The following CDH12 variants were observed in gnomAD, a reference collection of about 807,000 sequenced individuals.
The protein encoded by CDH12 is cadherin-12.
A neutral mutation model predicts 74.1 loss-of-function variants in CDH12; 41 were observed. The ratio of observed to expected loss-of-function variants is 0.55; its 90% CI spans 0.43 to 0.72. CDH12 has a LOEUF of 0.72. CDH12 is among the 30% of genes least tolerant of loss of function. The probability of loss-of-function intolerance (pLI) is 0.00; values close to 1 mark genes in which losing one functional copy is unlikely to be tolerated. For missense variants in CDH12, 945 were observed against 977.2 expected, an observed-to-expected ratio of 0.97 and a Z score of 0.44; for synonymous variants, 399 against 355.0, an observed-to-expected ratio of 1.12 and a Z score of -1.39.
chr5:22,619,775 C>G (rs535685498), intron 1 of CDH12, among the ~76,000 whole-genome samples: 1 of 151,930 alleles, frequency 6.6e-6, no homozygotes, highest in South Asian at 2.1e-4. Context: ...ATGCTTCCCC[C>G]AGCGAATGTG....
At chr5:21,994,525 C>A (rs1183625985) in intron 5 of CDH12, among the ~76,000 whole-genome samples, 1 of 152,144 alleles carries the variant, frequency 6.6e-6, no homozygotes, top group African/African-American at 2.4e-5. Flanking sequence ...ATTGAATACT[C>A]ATTGTATTCA....
chr5:22,479,637 A>G (rs1746306032), intron 2 of CDH12, among the ~76,000 whole-genome samples: 1 of 152,248 alleles, frequency 6.6e-6, no homozygotes, highest in Admixed American at 6.5e-5. Context: ...GTAAACATTT[A>G]AAACAGCATC....
intron 1 of CDH12, among the ~76,000 whole-genome samples, chr5:22,612,561 G>A (rs1275171398): frequency 6.6e-6 from 1 of 151,910 alleles, no homozygotes; most frequent in Non-Finnish European, 1.5e-5. Context: ...TATGTTATTT[G>A]AGATGTAGAT....
At chr5:22,276,719 T>C (rs1206604794) in intron 3 of CDH12, among the ~76,000 whole-genome samples, 5 of 152,200 alleles carry the variant, frequency 3.3e-5, no homozygotes, top group African/African-American at 1.2e-4. Context: ...TGGTGTCTCA[T>C]TCTGTGGCCC....
chr5:22,765,768 G>T (rs1746477124), intron 1 of CDH12, among the ~76,000 whole-genome samples: 1 of 151,614 alleles, frequency 6.6e-6, no homozygotes, highest in Admixed American at 6.6e-5. Context: ...AAATTTAGAA[G>T]CAAATATCAT....
chr5:22,052,290 T>G (rs1740427495), intron 5 of CDH12, among the ~76,000 whole-genome samples: 1 of 152,162 alleles, frequency 6.6e-6, no homozygotes, highest in South Asian at 2.1e-4. Flanking sequence ...GGAGTTTTGT[T>G]GCTGTTTTAT....
intron 2 of CDH12, among the ~76,000 whole-genome samples, chr5:22,448,689 A>C (rs1168482052): frequency 6.6e-6 from 1 of 152,048 alleles, no homozygotes; most frequent in African/African-American, 2.4e-5. Flanking sequence ...TATAAGAAAA[A>C]AGTTTTCAAA....
Position 22,578,597 on chromosome 5 carries a change from C to T in CDH12, c.-522-73233G>A, listed in dbSNP as rs550372908. On this transcript the variant is annotated intron_variant, in intron 1 of 14. Transcript: ENST00000382254. The stretch of plus-strand genomic sequence containing the variant: ...CAGAAATAATAAATGTACTAGTTTC[C>T]ACTGCTTTCCCAGAAAATCAGAATG... 8.1e-4 allele frequency among the ~76,000 whole-genome samples: 124 copies of T among 152,170 alleles called. No homozygotes were observed. The Middle Eastern group carries it at 0.01, about 13-fold the overall frequency.
chr5:22,770,592 G>A (rs1746754189), intron 1 of CDH12, among the ~76,000 whole-genome samples: 2 of 152,004 alleles, frequency 1.3e-5, no homozygotes, highest in African/African-American at 4.8e-5. Flanking sequence ...TGGCTACATG[G>A]TATCATTTAA....
At chr5:22,442,613 T>C (rs1744671618) in intron 2 of CDH12, among the ~76,000 whole-genome samples, 1 of 152,180 alleles carries the variant, frequency 6.6e-6, no homozygotes. Context: ...GATCACCCTG[T>C]TTTTTATTCC....
intron 6 of CDH12, among the ~76,000 whole-genome samples, chr5:21,861,899 A>AGTGTGTGTGTGTGTGTGTGT (rs59953319): frequency 6.8e-6 from 1 of 147,722 alleles, no homozygotes; most frequent in African/African-American, 2.5e-5. Context: ...GGTCATTTCT[A>AGTGTGTGTGTGTGTGTGTGT]GTGTGTGTGT....
chr5:22,110,119 C>T (rs764905544), intron 4 of CDH12, among the ~76,000 whole-genome samples: 11 of 152,148 alleles, frequency 7.2e-5, no homozygotes, highest in South Asian at 6.2e-4. Context: ...ATGCTAGTTT[C>T]TTTTTGGTAT....
chr5:22,360,834 T>A (rs1460510007), intron 3 of CDH12, among the ~76,000 whole-genome samples: 5 of 152,138 alleles, frequency 3.3e-5, no homozygotes, highest in Admixed American at 3.3e-4. Context: ...AAAAACCACA[T>A]GATTATCTCA....
chr5:22,787,139 C>A (rs533963405), intron 1 of CDH12, among the ~76,000 whole-genome samples: 1 of 140,176 alleles, frequency 7.1e-6, no homozygotes, highest in South Asian at 2.2e-4. Context: ...ACACACACAC[C>A]ACACACACAC....
chr5:22,632,761 T>C (rs551709692), intron 1 of CDH12, among the ~76,000 whole-genome samples: 4 of 152,154 alleles, frequency 2.6e-5, no homozygotes, highest in Non-Finnish European at 5.9e-5. Flanking sequence ...TGTGGATACA[T>C]TATGGCTGAA....
intron 7 of CDH12, among the ~76,000 whole-genome samples, chr5:21,850,203 G>C (rs1247792290): frequency 6.6e-6 from 1 of 151,466 alleles, no homozygotes; most frequent in Non-Finnish European, 1.5e-5. Context: ...AAAAATACAA[G>C]ATAAACAAGT....
At chr5:22,555,990 A>G (rs1738787024) in intron 1 of CDH12, among the ~76,000 whole-genome samples, 2 of 151,956 alleles carry the variant, frequency 1.3e-5, no homozygotes, top group Admixed American at 1.3e-4. Context: ...TGTTTGGTAG[A>G]CTTTTATGTA....
intron 2 of CDH12, among the ~76,000 whole-genome samples, chr5:22,448,471 A>G (rs1328309271): frequency 1.3e-5 from 2 of 152,110 alleles, no homozygotes; most frequent in Admixed American, 1.3e-4. Context: ...AAAGTTGAGT[A>G]GAAAACAGAT....
intron 5 of CDH12, among the ~76,000 whole-genome samples, chr5:22,063,562 T>C (rs1229195943): frequency 6.6e-6 from 1 of 152,068 alleles, no homozygotes; most frequent in Non-Finnish European, 1.5e-5. Flanking sequence ...CCAGTACTTC[T>C]TTCTTTTAAC....
Sources: gnomAD v4.1 joint callset for allele counts (sites outside exome capture counted in the v4.1 genomes callset) on GRCh38, gnomAD v4.1.1 for gene constraint, MANE v1.5 for transcripts, NCBI Gene and HGNC (gene_info 2026-07-23, HGNC 2026-07-21) for gene names.